Variants in LMX1A observed in about 807,000 individuals in gnomAD.
LMX1A encodes LIM homeobox transcription factor 1-alpha.
A neutral mutation model predicts 49.1 loss-of-function variants in LMX1A; 15 were observed. The ratio of observed to expected loss-of-function variants is 0.31; its 90% CI spans 0.20 to 0.47. The LOEUF (loss-of-function observed/expected upper bound fraction) is 0.47. LMX1A is among the 20% of genes least tolerant of loss of function. The probability of loss-of-function intolerance (pLI) is 1.00; values close to 1 mark genes in which losing one functional copy is unlikely to be tolerated. For missense variants in LMX1A, 372 were observed against 475.8 expected (o/e 0.78, Z 2.03); for synonymous variants, 167 against 185.7 (o/e 0.90, Z 0.82).
intron 3 of LMX1A, among the ~76,000 whole-genome samples, chr1:165,327,792 G>A (rs1277470769): frequency 6.6e-6 from 1 of 152,208 alleles, no homozygotes; most frequent in African/African-American, 2.4e-5. Flanking sequence ...GGTAGCTGCT[G>A]CCAGCAGGAA....
At chr1:165,283,543 T>C (rs576127158) in intron 3 of LMX1A, among the ~76,000 whole-genome samples, 1 of 152,348 alleles carries the variant, frequency 6.6e-6, no homozygotes, top group East Asian at 1.9e-4. Flanking sequence ...CCCACGTGAA[T>C]GGCTCCTGAC....
intron 3 of LMX1A, among the ~76,000 whole-genome samples, chr1:165,330,890 A>T (rs748593064): frequency 1.5e-4 from 23 of 152,206 alleles, no homozygotes; most frequent in Non-Finnish European, 2.2e-4. Context: ...ACCTACACAC[A>T]TACTCCAAGT....
intron 3 of LMX1A, among the ~76,000 whole-genome samples, chr1:165,320,731 A>G (rs956782655): frequency 6.6e-6 from 1 of 152,242 alleles, no homozygotes; most frequent in Non-Finnish European, 1.5e-5. Context: ...CATCACAAGT[A>G]ACCCAGCTTT....
At chr1:165,338,393 T>A (rs2101759735) in intron 3 of LMX1A, among the ~76,000 whole-genome samples, 1 of 152,324 alleles carries the variant, frequency 6.6e-6, no homozygotes, top group South Asian at 2.1e-4. Flanking sequence ...AGTCCTTTAA[T>A]CCTTTAATAA....
intron 3 of LMX1A, among the ~76,000 whole-genome samples, chr1:165,317,633 T>G (rs1209084894): frequency 6.6e-6 from 1 of 152,196 alleles, no homozygotes; most frequent in Non-Finnish European, 1.5e-5. Flanking sequence ...AAAATCCTTT[T>G]GAGTGGGGCT....
At chr1:165,349,709 T>C (rs1331187330) in intron 3 of LMX1A, among the ~76,000 whole-genome samples, 1 of 152,224 alleles carries the variant, frequency 6.6e-6, no homozygotes. Context: ...AGTCTTCCGA[T>C]GCATAGTTGT....
rs973365344 is a variant in LMX1A, at chr1:165,316,709, G to A, written c.263+36367C>T. ...TCCAGGCGGTTTCCCAGGGGCATCC[G>A]AGTTACACACAGGAGGCTGGCCATG... On this transcript the variant is annotated intron_variant, in intron 3 of 8. Coordinates refer to ENST00000342310, the MANE Select transcript of LMX1A (RefSeq NM_177398.4). 2.6e-5 allele frequency among the ~76,000 whole-genome samples: 4 copies of A among 152,146 alleles called. No homozygotes were observed. The East Asian group carries it at 5.8e-4, about 22-fold the overall frequency.
chr1:165,254,847 G>A (rs1191805164), intron 3 of LMX1A, among the ~76,000 whole-genome samples: 1 of 152,124 alleles, frequency 6.6e-6, no homozygotes, highest in Non-Finnish European at 1.5e-5. Flanking sequence ...GCTCATCAAG[G>A]CATACATAAC....
At chr1:165,235,454 C>T (rs2102624717) in intron 4 of LMX1A, among the ~76,000 whole-genome samples, 1 of 152,350 alleles carries the variant, frequency 6.6e-6, no homozygotes, top group Non-Finnish European at 1.5e-5. Context: ...ATCCCCAGCA[C>T]CTGCCTCGGA....
intron 3 of LMX1A, among the ~76,000 whole-genome samples, chr1:165,275,491 A>T (rs138396615): frequency 1.3e-3 from 204 of 152,252 alleles, no homozygotes; most frequent in African/African-American, 4.5e-3. Flanking sequence ...ACATACTTCC[A>T]CGTAACTTCT....
intron 3 of LMX1A, among the ~76,000 whole-genome samples, chr1:165,336,393 G>A (rs1424039750): frequency 1.3e-5 from 2 of 152,168 alleles, no homozygotes; most frequent in Non-Finnish European, 2.9e-5. Flanking sequence ...CTCTTCCCCA[G>A]AAACAGACAC....
chr1:165,313,931 G>C (rs1655148081), intron 3 of LMX1A, among the ~76,000 whole-genome samples: 1 of 152,204 alleles, frequency 6.6e-6, no homozygotes, highest in Non-Finnish European at 1.5e-5. Flanking sequence ...GGAACCCCTT[G>C]GCTGACATTT....
chr1:165,203,756 A>G lies in LMX1A; in HGVS notation c.*124T>C. The G allele has an allele frequency of 1.4e-6, 1 of 739,192 alleles. No individual in the cohort carries two copies. Among genetic ancestry groups the G allele is most frequent in the East Asian group, 2.5e-5 (1 of 39,894 alleles). The allele number at this position is 739,192 out of a possible 1,614,324, so 45.8% of individuals were successfully genotyped here. A position where few individuals can be genotyped will look rare whatever the true frequency, so the allele number is the denominator to read the frequency against. ...CTACACCATATCATTATACAACAGC[A>G]TCCCCAACAAAACTCCCTCCCCAAC... is the stretch of plus-strand genomic sequence containing the variant. On this transcript the variant is annotated 3_prime_UTR_variant, in exon 9 of 9. Transcript: ENST00000342310.
chr1:165,305,505 C>T (rs1164840823), intron 3 of LMX1A, among the ~76,000 whole-genome samples: 6 of 151,924 alleles, frequency 3.9e-5, no homozygotes, highest in Non-Finnish European at 7.4e-5. Flanking sequence ...TAAAATAAAC[C>T]TCTCCACTCA....
Position 165,355,487 on chromosome 1 carries a change from G to A in LMX1A, c.73C>T (p.Leu25=). The part of the protein sequence containing the change: ...IDTSASFSSL[L]GRAVSPKSVC... ...GACGCACGGCCTGAACACTCACCCA[G>A]CAGCGAGGAGAAGGAGGCCGAGGTG... is the stretch of plus-strand genomic sequence containing the variant. The change falls in exon 2 of 9, where the codon CTG becomes TTG. Residue 25 remains leucine (L), a synonymous_variant. Coordinates refer to ENST00000342310, the MANE Select transcript of LMX1A (RefSeq NM_177398.4). The surrounding 1 kb of genome is among the most constrained non-coding windows in gnomAD (Gnocchi z 4.7). 1 of 1,613,916 alleles carries A rather than the reference G, an allele frequency of 6.2e-7. No individual in the cohort carries two copies.
intron 4 of LMX1A, among the ~76,000 whole-genome samples, chr1:165,236,262 A>G (rs1243634400): frequency 6.6e-6 from 1 of 152,160 alleles, no homozygotes; most frequent in African/African-American, 2.4e-5. Context: ...GGTTAGGGCC[A>G]AGCCCGCGCA....
At chr1:165,317,952 G>A (rs1501490) in intron 3 of LMX1A, among the ~76,000 whole-genome samples, 132,949 of 152,254 alleles carry the variant, frequency 0.87, 58,522 homozygotes, top group East Asian at 0.94. Flanking sequence ...TCAGAGCACG[G>A]CACTTCTCAT....
intron 3 of LMX1A, among the ~76,000 whole-genome samples, chr1:165,340,432 A>T (rs1029197205): frequency 3.9e-5 from 6 of 152,078 alleles, no homozygotes; most frequent in Non-Finnish European, 7.4e-5. Flanking sequence ...AGGAAGCCCT[A>T]CTTCTTGAAA....
chr1:165,242,491 C>G (rs1652690592), intron 4 of LMX1A, among the ~76,000 whole-genome samples: 1 of 150,586 alleles, frequency 6.6e-6, no homozygotes, highest in African/African-American at 2.4e-5. Flanking sequence ...CATTTGGATC[C>G]CATGATAAAA....
Sources: allele counts gnomAD v4.1 joint callset (sites outside exome capture counted in the v4.1 genomes callset), GRCh38; gene constraint gnomAD v4.1.1; non-coding constraint Gnocchi (gnomAD v3.1); transcripts MANE v1.5; gene names NCBI Gene and HGNC (gene_info 2026-07-23, HGNC 2026-07-21).